Variants in SPTLC1 observed in about 807,000 individuals in gnomAD.
SPTLC1 encodes the protein serine palmitoyltransferase 1.
SPTLC1 carries 55 observed loss-of-function variants against 68.9 expected under a neutral mutation model. That is an observed-to-expected ratio of 0.80 (90% confidence interval 0.64 to 1.00). SPTLC1 has a LOEUF of 1.00. Among genes scored for constraint, SPTLC1 ranks in the 50% least tolerant of loss-of-function variants. The pLI is 0.00. For synonymous variants in SPTLC1, 197 were observed against 201.6 expected (o/e 0.98, Z 0.19); for missense variants, 449 against 573.1 (o/e 0.78, Z 2.21).
intron 1 of SPTLC1, among the ~76,000 whole-genome samples, chr9:92,113,137 G>T (rs889568937): frequency 3.3e-5 from 5 of 152,046 alleles, no homozygotes; most frequent in African/African-American, 1.2e-4. Context: ...ATCTAACACA[G>T]AATCCCAATA....
intron 5 of SPTLC1, among the ~76,000 whole-genome samples, chr9:92,077,605 T>C (rs1315966757): frequency 1.3e-5 from 2 of 152,110 alleles, no homozygotes; most frequent in East Asian, 3.9e-4. Context: ...AATAACCCTG[T>C]ATACCTTTTA....
At chr9:92,038,015 G>A (rs1253204875) in intron 13 of SPTLC1, among the ~76,000 whole-genome samples, 1 of 152,196 alleles carries the variant, frequency 6.6e-6, no homozygotes, top group African/African-American at 2.4e-5. Flanking sequence ...TATCTTTGGA[G>A]GGAGCCACAC....
chr9:92,047,680 T>G lies in SPTLC1; in HGVS notation c.917A>C (p.Asn306Thr). 6.2e-7 allele frequency: 1 copy of G among 1,613,364 alleles called. No individual in the cohort carries two copies. The change falls in exon 10 of 15, where the codon AAC (asparagine) becomes ACC (threonine). Residue 306 changes from asparagine to threonine, a missense_variant. Coordinates refer to ENST00000262554, the MANE Select transcript of SPTLC1 (RefSeq NM_006415.4). ...AATAGAAGCAAGTGCATTCTCCATG[T>G]TGGCACTGATAAGATCAATATCATC... is the stretch of plus-strand genomic sequence containing the variant. ...NIDDIDLISA[N>T]MENALASIGG...
intron 1 of SPTLC1, 50 bp from the exon 2 acceptor site, chr9:92,112,612 C>T: frequency 8.2e-7 from 1 of 1,222,170 alleles, no homozygotes. Flanking sequence ...ACTTCTAACA[C>T]CTGCACATAA....
rs151128008 is a variant in SPTLC1, at chr9:92,046,117, T to A, written c.1082-64A>T. The A allele has an allele frequency of 6.0e-6, 8 of 1,332,508 alleles. No homozygotes were observed. In the Admixed American group the frequency reaches 7.3e-5, roughly 12 times the overall value. 82.5% of individuals were successfully genotyped at this position (1,332,508 alleles called of 1,614,324 possible). On this transcript the variant is annotated intron_variant, in intron 11 of 14. Coordinates refer to ENST00000262554, the MANE Select transcript of SPTLC1 (RefSeq NM_006415.4). ...TTATGATAGTACTAACCTAAAAATATTTTTGAAGACCCAGATCAAGTTCAT... is the reference window on the plus strand; with the variant it reads ...TTATGATAGTACTAACCTAAAAATAATTTTGAAGACCCAGATCAAGTTCAT...
At chr9:92,082,108 T>C (rs1023399731) in intron 3 of SPTLC1, among the ~76,000 whole-genome samples, 2 of 152,178 alleles carry the variant, frequency 1.3e-5, no homozygotes, top group African/African-American at 2.4e-5. Flanking sequence ...TCTCAGTTTC[T>C]TCATCATTAA....
intron 8 of SPTLC1, chr9:92,050,452 T>C (rs976478687): frequency 2.2e-5 from 6 of 277,472 alleles, no homozygotes; most frequent in Admixed American, 2.0e-4. Context: ...CCAAGTGTCA[T>C]GCTAAAGTGC....
At chr9:92,082,873 CT>C (rs1246772264) in intron 3 of SPTLC1, among the ~76,000 whole-genome samples, 1 of 151,830 alleles carries the variant, frequency 6.6e-6, no homozygotes, top group African/African-American at 2.4e-5. Context: ...AAAAGTGTTC[CT>C]ATTTCTCCAC....
At chr9:92,083,195 C>G (rs1409567347) in intron 3 of SPTLC1, among the ~76,000 whole-genome samples, 7 of 151,982 alleles carry the variant, frequency 4.6e-5, no homozygotes, top group African/African-American at 7.2e-5. Context: ...TAGGTTGCCT[C>G]TTCACTCTGA....
At position 92,055,574 on chromosome 9, in the gene SPTLC1, AC is replaced by A. The variant is rs2118510681; in HGVS notation, c.691-81del. 2.9e-6 allele frequency: 4 copies of A among 1,358,470 alleles called. No individual in the cohort carries two copies. The South Asian group carries it at 4.7e-5, about 16-fold the overall frequency. 84.2% of individuals were successfully genotyped at this position (1,358,470 alleles called of 1,614,324 possible). On this transcript the variant is annotated intron_variant, in intron 7 of 14. Transcript: ENST00000262554. ...CTGTTACATATTCCCCAGCACTTTC[AC>A]CTTACAAGATTTATTCCTAAAAAAA...
In SPTLC1 at chr9:92,053,299, G is replaced by A. The variant is rs141087024; in HGVS notation, c.780+2106C>T. Among the ~76,000 whole-genome samples the A allele has an allele frequency of 3.6e-3, 553 of 152,240 alleles. 3 individuals carry two copies. The highest frequency in any genetic ancestry group is 4.7e-3 in the Non-Finnish European group (318 of 68,016). On this transcript the variant is annotated intron_variant, in intron 8 of 14. Transcript: ENST00000262554. ...AAGATGTAGAGAAACTGTAACCCTG[G>A]TATATAGCTGATAGGAATGTAAAAT...
At position 92,045,524 on chromosome 9, in the gene SPTLC1, TAAAAAA is replaced by T. The variant is rs71362367; in HGVS notation, c.1136+469_1136+474del. Reference sequence around the variant, plus strand: ...AAAAAAAAAAGTGACTCTTGTGTAGTAAAAAAAAAAAAAAAAAAAAAAAAAAAACAC... The same window carrying T: ...AAAAAAAAAAGTGACTCTTGTGTAGTAAAAAAAAAAAAAAAAAAAAAACAC... On this transcript the variant is annotated intron_variant, in intron 12 of 14. Coordinates refer to ENST00000262554, the MANE Select transcript of SPTLC1 (RefSeq NM_006415.4). 4.0e-3 allele frequency among the ~76,000 whole-genome samples: 126 copies of T among 31,614 alleles called. 1 individual carries two copies. Among genetic ancestry groups the T allele is most frequent in the African/African-American group, 0.011 (99 of 8,956 alleles). 20.7% of individuals were successfully genotyped at this position (31,614 alleles called of 152,430 possible). A position where few individuals can be genotyped will look rare whatever the true frequency, so the allele number is the denominator to read the frequency against.
intron 13 of SPTLC1, among the ~76,000 whole-genome samples, chr9:92,036,685 G>A (rs927022980): frequency 1.2e-4 from 19 of 152,204 alleles, no homozygotes; most frequent in African/African-American, 4.6e-4. Flanking sequence ...GCCTCATGAA[G>A]GTAATGAAAT....
At position 92,115,350 on chromosome 9, in the gene SPTLC1, C is replaced by G; in HGVS notation, c.21G>C (p.Gln7His). The change falls in exon 1 of 15, where the codon CAG (glutamine) becomes CAC (histidine). Residue 7 changes from glutamine to histidine, a missense_variant. By Grantham distance (24) the Gln-to-His change is conservative. Around this residue, in one of 3 missense-constraint regions of SPTLC1, gnomAD observed 46 missense variants for 57.8 expected, o/e 0.80. Transcript: ENST00000262554. The part of the protein sequence containing the change: MATATE[Q>H]WVLVEMVQAL... ...CCTGTACCATCTCCACCAGAACCCA[C>G]TGCTCCGTGGCGGTCGCCATAGTTA... The G allele has an allele frequency of 6.2e-7, 1 of 1,613,002 alleles. No individual in the cohort carries two copies. The highest frequency in any genetic ancestry group is 8.5e-7 in the Non-Finnish European group (1 of 1,179,988).
At chr9:92,069,138 T>C (rs570932691) in intron 5 of SPTLC1, among the ~76,000 whole-genome samples, 1 of 152,120 alleles carries the variant, frequency 6.6e-6, no homozygotes, top group Non-Finnish European at 1.5e-5. Context: ...ATGTGTCTAC[T>C]GATGAGAACC....
chr9:92,080,907 A>T lies in SPTLC1; in HGVS notation c.317T>A (p.Phe106Tyr), dbSNP rs748364878. 6.2e-7 allele frequency: 1 copy of T among 1,614,172 alleles called. No individual in the cohort carries two copies. The highest frequency in any genetic ancestry group is 8.5e-7 in the Non-Finnish European group (1 of 1,180,020). Reference sequence around the variant, plus strand: ...GTTATCCAACAATCCAAGAAAATTAAATGAGGCGAAGTTTATACATTCTTT... The same window carrying T: ...GTTATCCAACAATCCAAGAAAATTATATGAGGCGAAGTTTATACATTCTTT... The part of the protein sequence containing the change: ...NGKECINFAS[F>Y]NFLGLLDNPR... The change falls in exon 4 of 15, where the codon TTT (phenylalanine) becomes TAT (tyrosine). Residue 106 changes from phenylalanine (F) to tyrosine (Y), a missense_variant. Physicochemically the swap from Phe to Tyr is conservative, Grantham distance 22. Coordinates refer to ENST00000262554, the MANE Select transcript of SPTLC1 (RefSeq NM_006415.4).
intron 1 of SPTLC1, among the ~76,000 whole-genome samples, chr9:92,114,746 A>C (rs999856667): frequency 1.6e-4 from 24 of 145,712 alleles, no homozygotes; most frequent in South Asian, 6.5e-4. Context: ...AAAAAAAAAA[A>C]ACAAAAATAA....
At position 92,080,014 on chromosome 9, in the gene SPTLC1, A is replaced by C; in HGVS notation, c.427+2T>G. On this transcript the variant is annotated splice_donor_variant, in intron 5 of 14. Transcript: ENST00000262554. LOFTEE classifies it high-confidence loss of function. Reference sequence around the variant, plus strand: ...CTCAAAGAGAACACAACAAAAACTTACCAAATGTGCCATAAAATCCTCTGG... The same window carrying C: ...CTCAAAGAGAACACAACAAAAACTTCCCAAATGTGCCATAAAATCCTCTGG... 1 of 1,613,222 alleles carries C rather than the reference A, an allele frequency of 6.2e-7. No individual in the cohort carries two copies. Among genetic ancestry groups the C allele is most frequent in the Non-Finnish European group, 8.5e-7 (1 of 1,179,234 alleles).
chr9:92,079,870 G>T, intron 5 of SPTLC1, 146 bp downstream of exon 5: 1 of 758,676 alleles, frequency 1.3e-6, no homozygotes, highest in Non-Finnish European at 2.3e-6. Context: ...GCCCATGCTG[G>T]TATCAAATTC....
Sources: gnomAD v4.1 joint callset for allele counts (sites outside exome capture counted in the v4.1 genomes callset) on GRCh38, gnomAD v4.1.1 for gene constraint, gnomAD v4.1.1 regional missense constraint, MANE v1.5 for transcripts, NCBI Gene and HGNC (gene_info 2026-07-23, HGNC 2026-07-21) for gene names.